Variants in CDC42BPB observed in about 807,000 individuals in gnomAD.
CDC42BPB encodes serine/threonine-protein kinase MRCK beta.
CDC42BPB carries 37 observed loss-of-function variants against 214.9 expected under a neutral mutation model. The ratio of observed to expected loss-of-function variants is 0.17; its 90% confidence interval spans 0.13 to 0.23. CDC42BPB has a LOEUF of 0.23. Among genes scored for constraint, CDC42BPB ranks in the 10% least tolerant of loss-of-function variants. The pLI is 1.00. For synonymous variants in CDC42BPB, 931 were observed against 884.0 expected (o/e 1.05, Z -0.94); for missense variants, 1,694 against 2,227.0 (o/e 0.76, Z 4.82).
At position 102,949,902 on chromosome 14, in the gene CDC42BPB, G is replaced by C. The variant is rs1892404411; in HGVS notation, c.3312C>G (p.Val1104=). 6.2e-7 allele frequency: 1 copy of C among 1,613,238 alleles called. No homozygotes were observed. Among genetic ancestry groups the C allele is most frequent in the Non-Finnish European group, 8.5e-7 (1 of 1,179,854 alleles). The change falls in exon 26 of 37, where the codon GTC becomes GTG. Residue 1104 remains valine (V), a splice_region_variant and synonymous_variant. Coordinates refer to ENST00000361246, the MANE Select transcript of CDC42BPB (RefSeq NM_006035.4). ...CCTTCTTCACCCCCGTGGGCTTTGG[G>C]ACCTATGAATAAAAACAAACAGTGG... ...IGTAYKGHVK[V]PKPTGVKKGW...
At chr14:102,947,442 C>T (rs1043524917) in intron 27 of CDC42BPB, among the ~76,000 whole-genome samples, 4 of 152,128 alleles carry the variant, frequency 2.6e-5, no homozygotes, top group African/African-American at 7.2e-5. Flanking sequence ...GGACAGTGGC[C>T]GGGACGTGGA....
intron 7 of CDC42BPB, among the ~76,000 whole-genome samples, chr14:102,982,338 G>A (rs1179546794): frequency 1.3e-5 from 2 of 152,196 alleles, no homozygotes; most frequent in Non-Finnish European, 2.9e-5. Flanking sequence ...CTGTGAGAGC[G>A]AACTGTGGGA....
chr14:102,946,782 A>T (rs1892199632), intron 27 of CDC42BPB, 98 bp from the exon 28 acceptor site: 1 of 1,507,136 alleles, frequency 6.6e-7, no homozygotes, highest in Admixed American at 2.1e-5. Flanking sequence ...CCCAGGAGCA[A>T]CGGGGGCTGA....
intron 34 of CDC42BPB, among the ~76,000 whole-genome samples, chr14:102,939,181 C>T (rs182417683): frequency 0.014 from 2,074 of 152,224 alleles, 21 homozygotes; most frequent in Non-Finnish European, 0.02. Context: ...CCTCGTGATC[C>T]GCCCGCCTCG....
In CDC42BPB at chr14:102,999,462, G is replaced by A. The variant is rs543840023; in HGVS notation, c.596+103C>T. ...CTGCGGCAGCTCAAAGTGGGGACTC[G>A]CTACCTACATGGCTTCTTGGGACGG... On this transcript the variant is annotated intron_variant, in intron 5 of 36. Coordinates refer to ENST00000361246, the MANE Select transcript of CDC42BPB (RefSeq NM_006035.4). The A allele has an allele frequency of 7.0e-5, 81 of 1,159,952 alleles. 2 individuals are homozygous for A. The highest frequency in any genetic ancestry group is 4.4e-4 in the South Asian group (32 of 72,100). The allele number at this position is 1,159,952 out of a possible 1,614,324, so 71.9% of individuals were successfully genotyped here.
At chr14:102,959,027 T>A (rs1431889191) in intron 21 of CDC42BPB, among the ~76,000 whole-genome samples, 1 of 145,940 alleles carries the variant, frequency 6.9e-6, no homozygotes, top group Non-Finnish European at 1.5e-5. Flanking sequence ...CTGGGCGTGG[T>A]GGCTCACGCC....
Position 103,003,921 on chromosome 14 carries a change from G to A in CDC42BPB, c.447+7C>T, listed in dbSNP as rs775988825. On this transcript the variant is annotated splice_region_variant and intron_variant, in intron 4 of 36. Coordinates refer to ENST00000361246, the MANE Select transcript of CDC42BPB (RefSeq NM_006035.4). ...GCCCTGACCGAGTCTCTGGCTGTGC[G>A]ACCTACCAGGTGGTTCTCGTCCTGA... 8.1e-6 allele frequency: 13 copies of A among 1,602,874 alleles called. No homozygotes were observed. Among genetic ancestry groups the A allele is most frequent in the South Asian group, 5.5e-5 (5 of 90,440 alleles).
At chr14:102,977,165 CCTCT>C (rs1272070488) in intron 9 of CDC42BPB, among the ~76,000 whole-genome samples, 1 of 151,824 alleles carries the variant, frequency 6.6e-6, no homozygotes, top group Non-Finnish European at 1.5e-5. Flanking sequence ...ATGGTGAAAC[CCTCT>C]CTCTACTAAA....
chr14:102,935,250 G>A (rs1452222178), intron 36 of CDC42BPB, among the ~76,000 whole-genome samples: 2 of 151,836 alleles, frequency 1.3e-5, no homozygotes, highest in African/African-American at 4.8e-5. Flanking sequence ...AATAAGCTCA[G>A]CAAAGTTATA....
At chr14:103,032,556 A>G (rs1469555288) in intron 1 of CDC42BPB, among the ~76,000 whole-genome samples, 23 of 147,674 alleles carry the variant, frequency 1.6e-4, no homozygotes, top group African/African-American at 5.8e-4. Context: ...AAAAAAAAAA[A>G]GGAGAGAGAA....
At chr14:103,031,857 T>C (rs1887394807) in intron 1 of CDC42BPB, among the ~76,000 whole-genome samples, 1 of 152,202 alleles carries the variant, frequency 6.6e-6, no homozygotes, top group Admixed American at 6.5e-5. Context: ...CAACTAATTT[T>C]TCTGAACTTC....
intron 1 of CDC42BPB, among the ~76,000 whole-genome samples, chr14:103,037,296 C>CTTTTCT (rs1211204798): frequency 6.6e-6 from 1 of 151,886 alleles, no homozygotes; most frequent in Non-Finnish European, 1.5e-5. Flanking sequence ...CATGAGCACG[C>CTTTTCT]TTTTCTTTTT....
rs145588718 is a variant in CDC42BPB, at chr14:103,010,525, A to G, written c.267+1572T>C. 1.2e-3 allele frequency among the ~76,000 whole-genome samples: 177 copies of G among 152,338 alleles called. 1 individual carries two copies. Among genetic ancestry groups the G allele is most frequent in the Non-Finnish European group, 2.3e-3 (154 of 68,034 alleles). On this transcript the variant is annotated intron_variant, in intron 2 of 36. Coordinates refer to ENST00000361246, the MANE Select transcript of CDC42BPB (RefSeq NM_006035.4). ...GATTTGCCTTCTTTCACGTCTGCAC[A>G]CTGGAAAATGCACGCCCTGCACAGC...
intron 1 of CDC42BPB, among the ~76,000 whole-genome samples, chr14:103,027,049 A>C (rs1393530938): frequency 2.0e-5 from 3 of 152,218 alleles, no homozygotes; most frequent in Non-Finnish European, 4.4e-5. Flanking sequence ...TCCAAAGAAG[A>C]TATATTAATA....
chr14:102,944,728 G>A lies in CDC42BPB; in HGVS notation c.3812-241C>T, dbSNP rs36064829. On this transcript the variant is annotated intron_variant, in intron 29 of 36. Transcript: ENST00000361246. This position sits in a 1 kb window ranked among gnomAD's most constrained non-coding sequence, Gnocchi z 6.6. ...GCTCCTGGGGCAGCCTCGGGGGCTGGTCCAAAGGCTCCTCTGCCTCTGCTG... is the reference window on the plus strand; with the variant it reads ...GCTCCTGGGGCAGCCTCGGGGGCTGATCCAAAGGCTCCTCTGCCTCTGCTG... 0.01 allele frequency: 9,521 copies of A among 927,088 alleles called. 649 individuals carry two copies. The African/African-American group carries it at 0.15, about 15-fold the overall frequency. 57.4% of individuals were successfully genotyped at this position (927,088 alleles called of 1,614,324 possible).
In CDC42BPB at chr14:102,947,704, T is replaced by G; in HGVS notation, c.3531+17A>C. ...TAACCATGTGCTTTGTTAAAAAGATTAATGAAAAATTCATACCCTGAATAT... is the reference window on the plus strand; with the variant it reads ...TAACCATGTGCTTTGTTAAAAAGATGAATGAAAAATTCATACCCTGAATAT... On this transcript the variant is annotated intron_variant, in intron 27 of 36. Transcript: ENST00000361246. 6.3e-7 allele frequency: 1 copy of G among 1,593,134 alleles called. No homozygotes were observed. Among genetic ancestry groups the G allele is most frequent in the African/African-American group, 1.3e-5 (1 of 74,636 alleles).
chr14:102,939,349 C>T lies in CDC42BPB; in HGVS notation c.4827+261G>A, dbSNP rs191896863. 5.9e-5 allele frequency among the ~76,000 whole-genome samples: 9 copies of T among 152,324 alleles called. No homozygotes were observed. In the East Asian group the frequency reaches 1.2e-3, roughly 20 times the overall value. On this transcript the variant is annotated intron_variant, in intron 34 of 36. Coordinates refer to ENST00000361246, the MANE Select transcript of CDC42BPB (RefSeq NM_006035.4). ...ACGTCCTTAGGAAGCCCTCACAGGC[C>T]GAAACGTGGTGGACTCTCACAAGTA...
intron 1 of CDC42BPB, among the ~76,000 whole-genome samples, chr14:103,046,144 C>T (rs2139765277): frequency 6.6e-6 from 1 of 152,134 alleles, no homozygotes; most frequent in South Asian, 2.1e-4. Context: ...GTGGGAGAAG[C>T]AGTCAGATCC....
chr14:102,953,852 C>T (rs1044003529), intron 23 of CDC42BPB, among the ~76,000 whole-genome samples: 11 of 152,258 alleles, frequency 7.2e-5, no homozygotes, highest in African/African-American at 2.4e-4. Flanking sequence ...TAAGTGCAGG[C>T]AGACAAATGA....
Sources: allele counts gnomAD v4.1 joint callset (sites outside exome capture counted in the v4.1 genomes callset), GRCh38; gene constraint gnomAD v4.1.1; non-coding constraint Gnocchi (gnomAD v3.1); transcripts MANE v1.5; gene names NCBI Gene and HGNC (gene_info 2026-07-23, HGNC 2026-07-21).